Variants in CYBRD1 observed in about 807,000 individuals in gnomAD.
The protein encoded by CYBRD1 is cytochrome b reductase 1.
In CYBRD1, 14 loss-of-function variants were observed where a neutral mutation model predicts 21.9. The observed-to-expected ratio is 0.64, with a 90% CI of 0.42 to 1.00. The LOEUF is 1.00. CYBRD1 is among the 50% of genes least tolerant of loss of function. The pLI is 0.00. For synonymous variants in CYBRD1, 146 were observed against 136.5 expected (o/e 1.07, Z -0.48); for missense variants, 328 against 352.5 (o/e 0.93, Z 0.56).
intron 2 of CYBRD1, among the ~76,000 whole-genome samples, chr2:171,543,001 C>CTA (rs1697658415): frequency 6.6e-6 from 1 of 152,036 alleles, no homozygotes; most frequent in African/African-American, 2.4e-5. Context: ...AAGCTATTTA[C>CTA]TTAGGTAACT....
intron 1 of CYBRD1, among the ~76,000 whole-genome samples, chr2:171,532,220 A>AT (rs1180371820): frequency 2.6e-5 from 4 of 152,224 alleles, no homozygotes; most frequent in African/African-American, 7.2e-5. Flanking sequence ...GTGGAGACTG[A>AT]TAATCCTGTT....
At chr2:171,530,139 G>C (rs183208874) in intron 1 of CYBRD1, among the ~76,000 whole-genome samples, 1 of 152,334 alleles carries the variant, frequency 6.6e-6, no homozygotes, top group Non-Finnish European at 1.5e-5. Flanking sequence ...GGCTCCCCTA[G>C]AGGCCGAAGA....
At chr2:171,523,757 G>C (rs997777677) in intron 1 of CYBRD1, among the ~76,000 whole-genome samples, 2 of 152,202 alleles carry the variant, frequency 1.3e-5, no homozygotes, top group Non-Finnish European at 2.9e-5. Context: ...GCTTCCTTCG[G>C]TTTGCCGTGT....
At chr2:171,544,302 A>G (rs546930646) in intron 2 of CYBRD1, among the ~76,000 whole-genome samples, 8 of 152,238 alleles carry the variant, frequency 5.3e-5, no homozygotes, top group Admixed American at 5.2e-4. Context: ...TGAAGCTTGC[A>G]TTTTCTCTGT....
chr2:171,549,337 G>A (rs1697766449), intron 2 of CYBRD1, among the ~76,000 whole-genome samples: 1 of 152,132 alleles, frequency 6.6e-6, no homozygotes, highest in African/African-American at 2.4e-5. Flanking sequence ...ACCCACCTCG[G>A]CCTCCCAAAG....
intron 1 of CYBRD1, among the ~76,000 whole-genome samples, chr2:171,536,849 G>A (rs148302929): frequency 1.3e-3 from 197 of 151,852 alleles, no homozygotes; most frequent in Non-Finnish European, 2.2e-3. Context: ...TTTGCTTTTC[G>A]AGTGTTGAAA....
At chr2:171,530,663 G>A (rs1012193368) in intron 1 of CYBRD1, among the ~76,000 whole-genome samples, 2 of 152,044 alleles carry the variant, frequency 1.3e-5, no homozygotes, top group South Asian at 2.1e-4. Flanking sequence ...TCATTCTCCC[G>A]AGAGAATCCA....
chr2:171,525,516 C>T (rs1363153445), intron 1 of CYBRD1, among the ~76,000 whole-genome samples: 2 of 152,108 alleles, frequency 1.3e-5, no homozygotes, highest in African/African-American at 4.8e-5. Context: ...ACTTTATAGG[C>T]TGCGAGGGAC....
At position 171,534,837 on chromosome 2, in the gene CYBRD1, C is replaced by T. The variant is rs192103397; in HGVS notation, c.194-6748C>T. Reference sequence around the variant, plus strand: ...AACATAATAGATCCCTAAGTACCCACGACCCAGATTTAACAGATGTTAAGA... The same window carrying T: ...AACATAATAGATCCCTAAGTACCCATGACCCAGATTTAACAGATGTTAAGA... On this transcript the variant is annotated intron_variant, in intron 1 of 3. Transcript: ENST00000321348. Among the ~76,000 whole-genome samples, 17 of 152,314 alleles carry T rather than the reference C, an allele frequency of 1.1e-4. No homozygotes were observed. In the East Asian group the frequency reaches 1.2e-3, roughly 10 times the overall value.
At chr2:171,532,894 TG>T (rs1299641210) in intron 1 of CYBRD1, among the ~76,000 whole-genome samples, 1 of 151,748 alleles carries the variant, frequency 6.6e-6, no homozygotes, top group East Asian at 1.9e-4. Flanking sequence ...TGTGTGTGTG[TG>T]TGTGTGTGTG....
At chr2:171,524,470 A>G (rs1196091447) in intron 1 of CYBRD1, among the ~76,000 whole-genome samples, 1 of 152,184 alleles carries the variant, frequency 6.6e-6, no homozygotes, top group Non-Finnish European at 1.5e-5. Context: ...GTCTTGGAAT[A>G]TCTTCTCATA....
At chr2:171,545,988 C>T (rs958615377) in intron 2 of CYBRD1, among the ~76,000 whole-genome samples, 7 of 152,212 alleles carry the variant, frequency 4.6e-5, no homozygotes, top group African/African-American at 1.7e-4. Context: ...GAGTTAAAAA[C>T]ATATTTGTCT....
rs183839387 is a variant in CYBRD1 at position 171,554,218 on chromosome 2, T to C, written c.558-306T>C. ...GCTACTTAGATGTGGAAAGTTGGGG[T>C]TTTCCTTTTGGTTTAGTTCTAGGAA... On this transcript the variant is annotated intron_variant, in intron 3 of 3. Transcript: ENST00000321348. 1.3e-3 allele frequency among the ~76,000 whole-genome samples: 197 copies of C among 152,152 alleles called. 1 individual carries two copies. The highest frequency in any genetic ancestry group is 2.0e-3 in the Non-Finnish European group (135 of 67,998).
intron 1 of CYBRD1, among the ~76,000 whole-genome samples, chr2:171,536,249 T>C (rs1307341987): frequency 4.6e-5 from 7 of 150,928 alleles, no homozygotes; most frequent in Admixed American, 3.3e-4. Flanking sequence ...AGCGATTCTC[T>C]TGCCTCGGTC....
At chr2:171,534,127 A>C (rs1481439590) in intron 1 of CYBRD1, among the ~76,000 whole-genome samples, 1 of 152,134 alleles carries the variant, frequency 6.6e-6, no homozygotes, top group East Asian at 1.9e-4. Context: ...TAAGTTTGTC[A>C]TGCTAGCATG....
chr2:171,549,762 T>C (rs1697771812), intron 2 of CYBRD1, among the ~76,000 whole-genome samples: 1 of 152,254 alleles, frequency 6.6e-6, no homozygotes, highest in Admixed American at 6.5e-5. Context: ...TGAAAGTTTA[T>C]TTTTCCTTAG....
chr2:171,537,638 G>C (rs1309850830), intron 1 of CYBRD1, among the ~76,000 whole-genome samples: 1 of 152,172 alleles, frequency 6.6e-6, no homozygotes, highest in East Asian at 1.9e-4. Context: ...TTTCCTGGTT[G>C]TGCTATGGTA....
At chr2:171,537,771 G>A (rs1026495777) in intron 1 of CYBRD1, among the ~76,000 whole-genome samples, 3 of 152,216 alleles carry the variant, frequency 2.0e-5, no homozygotes, top group African/African-American at 7.2e-5. Flanking sequence ...ATAAGTTCTA[G>A]TGTTCTATAT....
chr2:171,553,945 G>T (rs976269047), intron 3 of CYBRD1, among the ~76,000 whole-genome samples: 3 of 152,200 alleles, frequency 2.0e-5, no homozygotes, highest in South Asian at 2.1e-4. Flanking sequence ...TACTGAAAAT[G>T]AAAGTACACT....
Sources: allele counts gnomAD v4.1 joint callset (sites outside exome capture counted in the v4.1 genomes callset), GRCh38; gene constraint gnomAD v4.1.1; transcripts MANE v1.5; gene names NCBI Gene and HGNC (gene_info 2026-07-23, HGNC 2026-07-21).